Variants in DPP6 observed in about 807,000 individuals in gnomAD.
DPP6 encodes the protein A-type potassium channel modulatory protein DPP6.
A neutral mutation model predicts 122.6 loss-of-function variants in DPP6; 69 were observed. The observed-to-expected ratio is 0.56, with a 90% CI of 0.46 to 0.69. The LOEUF (loss-of-function observed/expected upper bound fraction) is 0.69, where lower values mean the gene tolerates loss of function less well. Ranked by LOEUF, DPP6 falls within the 30% of genes least tolerant of loss-of-function variation. DPP6 has a pLI of 0.00. For missense variants in DPP6, 928 were observed against 1,116.9 expected, an observed-to-expected ratio of 0.83 and a Z score of 2.41; for synonymous variants, 418 against 433.1, an observed-to-expected ratio of 0.97 and a Z score of 0.43.
intron 4 of DPP6, among the ~76,000 whole-genome samples, chr7:154,550,314 CT>C (rs138511960): frequency 0.027 from 4,174 of 152,152 alleles, 189 homozygotes; most frequent in African/African-American, 0.093. Context: ...GAAGATACAG[CT>C]TTTTTTCATT....
At chr7:153,928,396 A>ATTTTTTTTTTCTTTTTTTTTTTTTTTTT (rs1801012289) in intron 1 of DPP6, among the ~76,000 whole-genome samples, 1 of 43,672 alleles carries the variant, frequency 2.3e-5, no homozygotes, top group Non-Finnish European at 4.4e-5. Context: ...CTTTTCTTTC[A>ATTTTTTTTTTCTTTTTTTTTTTTTTTTT]TTTTTTTTTT....
intron 2 of DPP6, among the ~76,000 whole-genome samples, chr7:154,467,492 A>G (rs1473062299): frequency 1.3e-5 from 2 of 152,142 alleles, no homozygotes; most frequent in African/African-American, 4.8e-5. Flanking sequence ...TCCTGTCACC[A>G]TGTCACAAAG....
chr7:154,657,090 G>A (rs1372050872), intron 6 of DPP6, among the ~76,000 whole-genome samples: 2 of 47,082 alleles, frequency 4.2e-5, no homozygotes, highest in African/African-American at 1.4e-4. Flanking sequence ...GGTGCTCATG[G>A]GTGGGTGGAG....
intron 4 of DPP6, among the ~76,000 whole-genome samples, chr7:154,562,536 A>G (rs1830487158): frequency 6.6e-6 from 1 of 152,156 alleles, no homozygotes; most frequent in African/African-American, 2.4e-5. Context: ...ATTAGGGAAA[A>G]AAGCAAGGCT....
intron 1 of DPP6, among the ~76,000 whole-genome samples, chr7:154,082,410 GAGAGGA>G (rs1226030179): frequency 2.0e-5 from 3 of 152,166 alleles, no homozygotes; most frequent in Non-Finnish European, 4.4e-5. Context: ...TGAACTTATG[GAGAGGA>G]TGGAGAGGAA....
At chr7:154,296,356 C>T (rs1805545253) in intron 1 of DPP6, among the ~76,000 whole-genome samples, 3 of 152,148 alleles carry the variant, frequency 2.0e-5, no homozygotes, top group Admixed American at 1.3e-4. Flanking sequence ...TCTTGTAATT[C>T]TTAAGATAGG....
At chr7:154,312,258 T>C (rs930874367) in intron 1 of DPP6, among the ~76,000 whole-genome samples, 2 of 152,192 alleles carry the variant, frequency 1.3e-5, no homozygotes, top group African/African-American at 4.8e-5. Flanking sequence ...TGTTGAAATG[T>C]GCAGCGATTC....
chr7:154,189,432 A>C (rs185678900), intron 1 of DPP6, among the ~76,000 whole-genome samples: 1 of 152,342 alleles, frequency 6.6e-6, no homozygotes, highest in Admixed American at 6.5e-5. Context: ...CAGCTATTAA[A>C]ATAACTAGCA....
Position 154,249,618 on chromosome 7 carries a change from G to A in DPP6, c.243+196555G>A, listed in dbSNP as rs545991006. Among the ~76,000 whole-genome samples the A allele has an allele frequency of 2.6e-5, 4 of 152,306 alleles. No individual in the cohort carries two copies. The South Asian group carries it at 8.3e-4, about 32-fold the overall frequency. On this transcript the variant is annotated intron_variant, in intron 1 of 25. Coordinates refer to ENST00000377770, the MANE Select transcript of DPP6 (RefSeq NM_130797.4). ...TTTGTGCTTGTCTTGGCAGTGGGGA[G>A]GAGGGGAGCTTTTGTGTGATTCCAG...
chr7:153,822,179 ATCTTTTTT>A, the DPP6 span, among the ~76,000 whole-genome samples: 565 of 95,148 alleles, frequency 5.9e-3, 9 homozygotes, highest in Non-Finnish European at 7.8e-3. Flanking sequence ...AAGGGGGGGA[ATCTTTTTT>A]TTTTTTTTTT....
intron 4 of DPP6, among the ~76,000 whole-genome samples, chr7:154,556,925 A>G (rs956578723): frequency 1.9e-4 from 10 of 53,852 alleles, no homozygotes; most frequent in Admixed American, 4.6e-4. Context: ...AATGTGTTAG[A>G]TGTTTTTTTG....
chr7:154,610,707 CTGTGTGTGTGTG>C (rs10525265), intron 5 of DPP6, among the ~76,000 whole-genome samples: 1,580 of 122,056 alleles, frequency 0.013, 15 homozygotes, highest in South Asian at 0.021. Context: ...GTGTTGTTCT[CTGTGTGTGTGTG>C]TGTGTGTGTG....
In DPP6 at chr7:154,668,013, C is replaced by T. The variant is rs759796155; in HGVS notation, c.681-1347C>T. On this transcript the variant is annotated intron_variant, in intron 6 of 25. Transcript: ENST00000377770. ...GTTTTTCCTGGTAGTTTTATTCAGC[C>T]GTTGCTTTTGTATTTTCTATTGATT... Among the ~76,000 whole-genome samples the T allele has an allele frequency of 8.6e-5, 13 of 150,692 alleles. No individual in the cohort carries two copies. The East Asian group carries it at 2.0e-3, about 23-fold the overall frequency.
At chr7:154,073,923 T>C (rs2150513791) in intron 1 of DPP6, among the ~76,000 whole-genome samples, 1 of 152,208 alleles carries the variant, frequency 6.6e-6, no homozygotes, top group East Asian at 1.9e-4. Flanking sequence ...GAGGAGGAGG[T>C]TGCAGTGAGC....
intron 1 of DPP6, among the ~76,000 whole-genome samples, chr7:153,953,131 A>G (rs1055227039): frequency 6.6e-6 from 1 of 152,180 alleles, no homozygotes; most frequent in Non-Finnish European, 1.5e-5. Context: ...AATAAATATC[A>G]ATACTACCAT....
chr7:153,805,279 T>C, the DPP6 span, among the ~76,000 whole-genome samples: 184 of 152,314 alleles, frequency 1.2e-3, no homozygotes, highest in African/African-American at 4.3e-3. Context: ...ATGACTGATG[T>C]ATTTTGTTGT....
At chr7:154,455,602 G>A (rs2151306454) in intron 2 of DPP6, among the ~76,000 whole-genome samples, 1 of 152,264 alleles carries the variant, frequency 6.6e-6, no homozygotes, top group African/African-American at 2.4e-5. Flanking sequence ...ACTGAAAAGT[G>A]GGTCGCTGGG....
At chr7:154,382,763 C>A (rs1371947150) in intron 1 of DPP6, among the ~76,000 whole-genome samples, 4 of 152,134 alleles carry the variant, frequency 2.6e-5, no homozygotes, top group Non-Finnish European at 5.9e-5. Context: ...CAGAGTTTTG[C>A]TGTTGTTACC....
chr7:154,700,475 G>A (rs1286613323), intron 7 of DPP6, among the ~76,000 whole-genome samples: 1 of 152,216 alleles, frequency 6.6e-6, no homozygotes, highest in Admixed American at 6.5e-5. Context: ...AGAATGTTCA[G>A]ACTCAAGTTG....
Sources: allele counts gnomAD v4.1 joint callset (sites outside exome capture counted in the v4.1 genomes callset), GRCh38; gene constraint gnomAD v4.1.1; transcripts MANE v1.5; gene names NCBI Gene and HGNC (gene_info 2026-07-23, HGNC 2026-07-21).